ZFAND4: variants seen among roughly 807,000 people sequenced by gnomAD.
The protein encoded by ZFAND4 is AN1-type zinc finger protein 4.
A neutral mutation model predicts 64.4 loss-of-function variants in ZFAND4; 43 were observed. That is an observed-to-expected ratio of 0.67 (90% confidence interval 0.52 to 0.86). The LOEUF is 0.86. ZFAND4 is among the 40% of genes least tolerant of loss of function. The probability of loss-of-function intolerance (pLI) is 0.00; values close to 1 mark genes in which losing one functional copy is unlikely to be tolerated. For missense variants in ZFAND4, 929 were observed against 859.8 expected (o/e 1.08, Z -1.01); for synonymous variants, 296 against 305.7 (o/e 0.97, Z 0.33).
rs1199792716 is a variant in ZFAND4 at position 45,626,021 on chromosome 10, T to A, written c.1802A>T (p.Asn601Ile). ...GTTTTCTTCCTGAAAATGCTGGAGGTTTGTAGACAGCCCAGTTCCAGAGTT... is the reference window on the plus strand; with the variant it reads ...GTTTTCTTCCTGAAAATGCTGGAGGATTGTAGACAGCCCAGTTCCAGAGTT... The part of the protein sequence containing the change: ...LQNSGTGLST[N>I]LQHFQEENFR... The change falls in exon 7 of 10, where the codon AAC (asparagine) becomes ATC (isoleucine). Residue 601 changes from asparagine (N) to isoleucine (I), a missense_variant. Transcript: ENST00000344646. The A allele has an allele frequency of 6.2e-7, 1 of 1,614,000 alleles. No homozygotes were observed. Among genetic ancestry groups the A allele is most frequent in the Non-Finnish European group, 8.5e-7 (1 of 1,180,044 alleles).
At chr10:45,640,792 T>C (rs2133704641) in intron 5 of ZFAND4, among the ~76,000 whole-genome samples, 1 of 152,286 alleles carries the variant, frequency 6.6e-6, no homozygotes, top group East Asian at 1.9e-4. Flanking sequence ...GCCCAGCCAA[T>C]ACATTTTTTT....
intron 6 of ZFAND4, among the ~76,000 whole-genome samples, chr10:45,634,138 T>C (rs77407875): frequency 0.06 from 9,107 of 152,246 alleles, 398 homozygotes; most frequent in African/African-American, 0.12. Flanking sequence ...ATATCTAACT[T>C]GCACATAGAT....
intron 2 of ZFAND4, among the ~76,000 whole-genome samples, chr10:45,659,342 G>A (rs1041214077): frequency 2.0e-5 from 3 of 152,164 alleles, no homozygotes; most frequent in Non-Finnish European, 2.9e-5. Context: ...GGATTACAAC[G>A]GAAAGAATTG....
chr10:45,621,600 G>A (rs898747178), intron 8 of ZFAND4, among the ~76,000 whole-genome samples: 1 of 151,996 alleles, frequency 6.6e-6, no homozygotes, highest in Middle Eastern at 3.4e-3. Context: ...AAATTAGCCG[G>A]GTGTGGTGGC....
At chr10:45,621,630 T>C (rs111460152) in intron 8 of ZFAND4, among the ~76,000 whole-genome samples, 9,051 of 151,974 alleles carry the variant, frequency 0.06, 392 homozygotes, top group African/African-American at 0.12. Context: ...TAGTCCCAGC[T>C]GCTCGGGAGG....
At position 45,616,452 on chromosome 10, in the gene ZFAND4, T is replaced by G. The variant is rs2044946583; in HGVS notation, c.2168A>C (p.Lys723Thr). Residue 723 changes from lysine (K) to threonine (T), a missense_variant, in exon 10 of 10, where the codon AAG (lysine) becomes ACG (threonine). Transcript: ENST00000344646. ...HEANPVVNAP[K>T]LPKI is the part of the protein sequence containing the mutation. ...GAGGAAGAGTTAGATTTTTGGAAGC[T>G]TTGGTGCATTAACCACAGGATTTGC... 6.2e-7 allele frequency: 1 copy of G among 1,614,154 alleles called. No individual in the cohort carries two copies.
chr10:45,625,992 TAA>T lies in ZFAND4; in HGVS notation c.1829_1830del (p.Phe610Ter), dbSNP rs1018439245. On this transcript the variant is annotated frameshift_variant, in exon 7 of 10. Transcript: ENST00000344646. LOFTEE classifies it high-confidence loss of function. ...TNLQHFQEEN[F>X]RKSSPQLEHT... The stretch of plus-strand genomic sequence containing the variant: ...TGTTCTAACTGGGGAGAACTTTTCC[TAA>T]AGTTTTCTTCCTGAAAATGCTGGAG... 3 of 1,614,060 alleles carry T rather than the reference TAA, an allele frequency of 1.9e-6. No homozygotes were observed. In the African/African-American group the frequency reaches 4.0e-5, roughly 22 times the overall value.
At chr10:45,649,875 T>C (rs2047646914) in intron 4 of ZFAND4, 1 of 152,246 alleles carries the variant, frequency 6.6e-6, no homozygotes, top group Non-Finnish European at 1.5e-5. Flanking sequence ...GATATTGCTA[T>C]AGCCATTACC....
At chr10:45,642,461 G>A (rs2047072466) in intron 5 of ZFAND4, among the ~76,000 whole-genome samples, 5 of 151,808 alleles carry the variant, frequency 3.3e-5, no homozygotes, top group East Asian at 1.9e-4. Flanking sequence ...CAAAAAATTC[G>A]CCGGGCGTGG....
chr10:45,666,277 G>C (rs2048818119), intron 1 of ZFAND4, among the ~76,000 whole-genome samples: 1 of 152,092 alleles, frequency 6.6e-6, no homozygotes, highest in African/African-American at 2.4e-5. Flanking sequence ...TCTCACTGTG[G>C]TTGACTTCCA....
chr10:45,640,329 C>T, intron 5 of ZFAND4: 2 of 1,249,694 alleles, frequency 1.6e-6, no homozygotes, highest in Non-Finnish European at 2.0e-6. Flanking sequence ...GCAACCCAGA[C>T]AACAGGCTGA....
intron 1 of ZFAND4, among the ~76,000 whole-genome samples, chr10:45,672,004 G>A (rs2049231189): frequency 6.6e-6 from 1 of 152,180 alleles, no homozygotes; most frequent in Non-Finnish European, 1.5e-5. Context: ...CTACAGAAGA[G>A]CAGTTACCTT....
chr10:45,655,818 T>C (rs188135709), intron 2 of ZFAND4, among the ~76,000 whole-genome samples: 6 of 152,182 alleles, frequency 3.9e-5, no homozygotes, highest in African/African-American at 9.6e-5. Context: ...CAGGAAGAAA[T>C]AGAAATCCTG....
chr10:45,629,706 C>T (rs2046076491), intron 6 of ZFAND4, among the ~76,000 whole-genome samples: 1 of 151,662 alleles, frequency 6.6e-6, no homozygotes, highest in Non-Finnish European at 1.5e-5. Context: ...ATCAATAATA[C>T]AAAAAAATTA....
chr10:45,662,524 T>C, intron 2 of ZFAND4: 2 of 889,458 alleles, frequency 2.2e-6, no homozygotes, highest in Non-Finnish European at 2.7e-6. Context: ...TAAACTATGA[T>C]ATAAATTGCA....
At chr10:45,619,143 G>A (rs561476224) in intron 8 of ZFAND4, among the ~76,000 whole-genome samples, 14 of 151,856 alleles carry the variant, frequency 9.2e-5, no homozygotes, top group African/African-American at 3.4e-4. Context: ...GGTTCAAGTG[G>A]TTCTTCTGCC....
At chr10:45,618,410 T>C in intron 8 of ZFAND4, 150 bp from the exon 9 acceptor site, 6 of 1,007,634 alleles carry the variant, frequency 6.0e-6, no homozygotes, top group Non-Finnish European at 8.4e-6. Context: ...AAATTACTTA[T>C]AAAATCTACA....
At chr10:45,630,798 TA>T (rs1204432111) in intron 6 of ZFAND4, among the ~76,000 whole-genome samples, 1 of 150,860 alleles carries the variant, frequency 6.6e-6, no homozygotes, top group African/African-American at 2.4e-5. Flanking sequence ...TCTAAAAGGA[TA>T]AGAGAGAAGG....
Position 45,651,965 on chromosome 10 carries a change from C to T in ZFAND4, c.328+1G>A, listed in dbSNP as rs763897796. On this transcript the variant is annotated splice_donor_variant, in intron 4 of 9. Coordinates refer to ENST00000344646, the MANE Select transcript of ZFAND4 (RefSeq NM_174890.4). LOFTEE classifies it high-confidence loss of function. ...TTGCTTTAATATATATATATGCCTA[C>T]CTCTTCTAGTATTTATAGGTCCGCC... 2.0e-5 allele frequency: 33 copies of T among 1,612,796 alleles called. No homozygotes were observed. The highest frequency in any genetic ancestry group is 1.7e-4 in the Middle Eastern group (1 of 6,054).
Sources: gnomAD v4.1 joint callset for allele counts (sites outside exome capture counted in the v4.1 genomes callset) on GRCh38, gnomAD v4.1.1 for gene constraint, MANE v1.5 for transcripts, NCBI Gene and HGNC (gene_info 2026-07-23, HGNC 2026-07-21) for gene names.